The following HECW1 variants were observed in gnomAD, a reference collection of about 807,000 sequenced individuals.
HECW1 encodes the protein E3 ubiquitin-protein ligase HECW1.
In HECW1, 61 loss-of-function variants were observed where a neutral mutation model predicts 182.3. The ratio of observed to expected loss-of-function variants is 0.33; its 90% confidence interval spans 0.27 to 0.41. HECW1 has a LOEUF of 0.41. Ranked by LOEUF, HECW1 falls within the 10% of genes least tolerant of loss-of-function variation. The probability of loss-of-function intolerance (pLI) is 1.00; values close to 1 mark genes in which losing one functional copy is unlikely to be tolerated. For missense variants in HECW1, 1,739 were observed against 2,108.9 expected, an observed-to-expected ratio of 0.82 and a Z score of 3.44; for synonymous variants, 859 against 832.6, an observed-to-expected ratio of 1.03 and a Z score of -0.55.
At chr7:43,324,889 G>T (rs1406085612) in intron 5 of HECW1, among the ~76,000 whole-genome samples, 2 of 151,876 alleles carry the variant, frequency 1.3e-5, no homozygotes, top group Non-Finnish European at 2.9e-5. Context: ...TTATGAGATT[G>T]GATGTATATT....
At chr7:43,327,265 A>G (rs1438136096) in intron 5 of HECW1, among the ~76,000 whole-genome samples, 1 of 152,186 alleles carries the variant, frequency 6.6e-6, no homozygotes, top group Non-Finnish European at 1.5e-5. Context: ...GACTCCATAT[A>G]CATATCTGCA....
intron 2 of HECW1, among the ~76,000 whole-genome samples, chr7:43,217,249 A>G (rs1796527798): frequency 6.6e-6 from 1 of 152,224 alleles, no homozygotes; most frequent in Non-Finnish European, 1.5e-5. Flanking sequence ...ATTTTGCTGC[A>G]TAGGCACTTT....
chr7:43,232,183 A>G (rs80096274), intron 2 of HECW1, among the ~76,000 whole-genome samples: 3,903 of 152,300 alleles, frequency 0.026, 177 homozygotes, highest in African/African-American at 0.088. Context: ...TGATTGGGAT[A>G]GTTTGAATGG....
intron 22 of HECW1, among the ~76,000 whole-genome samples, chr7:43,507,495 A>C (rs1457142284): frequency 5.3e-5 from 8 of 152,126 alleles, no homozygotes; most frequent in Non-Finnish European, 1.2e-4. Context: ...AAAGAACAGA[A>C]GATTTTAGAC....
chr7:43,241,612 ATGTATGTGTGTG>A (rs1409697317), intron 2 of HECW1: 1,521 of 115,058 alleles, frequency 0.013, 30 homozygotes, highest in African/African-American at 0.046. Context: ...TACTCTCCTA[ATGTATGTGTGTG>A]TGTGTGTGTG....
chr7:43,420,194 T>C (rs1299878611), intron 8 of HECW1, among the ~76,000 whole-genome samples: 1 of 152,230 alleles, frequency 6.6e-6, no homozygotes, highest in Non-Finnish European at 1.5e-5. Flanking sequence ...TTAGGAATGT[T>C]AGCACAGGTC....
At chr7:43,375,034 C>G (rs2074270947) in intron 6 of HECW1, among the ~76,000 whole-genome samples, 2 of 152,026 alleles carry the variant, frequency 1.3e-5, no homozygotes, top group African/African-American at 4.8e-5. Context: ...ATTCATTGCT[C>G]TAATAAAGTT....
chr7:43,166,140 G>A (rs978900644), intron 2 of HECW1, among the ~76,000 whole-genome samples: 1 of 152,200 alleles, frequency 6.6e-6, no homozygotes. Context: ...CTGGAGTGAA[G>A]TGGTGCTATC....
chr7:43,349,126 C>G (rs1814070487), intron 5 of HECW1, among the ~76,000 whole-genome samples: 1 of 152,098 alleles, frequency 6.6e-6, no homozygotes, highest in South Asian at 2.1e-4. Context: ...CCTTTGCCTC[C>G]CAGGTTCAAG....
intron 5 of HECW1, among the ~76,000 whole-genome samples, chr7:43,340,585 G>A (rs191590840): frequency 2.0e-4 from 31 of 151,660 alleles, no homozygotes; most frequent in Non-Finnish European, 3.7e-4. Context: ...TGGGGGTGGT[G>A]ACAGTAATCA....
chr7:43,233,599 T>C (rs73690278), intron 2 of HECW1, among the ~76,000 whole-genome samples: 3,177 of 152,232 alleles, frequency 0.021, 107 homozygotes, highest in African/African-American at 0.061. Context: ...GCTTCCAAAA[T>C]GGTGCAAAAT....
At chr7:43,184,327 T>G (rs1793165230) in intron 2 of HECW1, among the ~76,000 whole-genome samples, 1 of 152,192 alleles carries the variant, frequency 6.6e-6, no homozygotes, top group Non-Finnish European at 1.5e-5. Context: ...TACATTATAT[T>G]CTCACCATGT....
At chr7:43,482,124 C>T (rs1011314505) in intron 17 of HECW1, among the ~76,000 whole-genome samples, 7 of 152,176 alleles carry the variant, frequency 4.6e-5, no homozygotes, top group African/African-American at 1.7e-4. Flanking sequence ...TATGCCCATC[C>T]TCTCTCTTCT....
chr7:43,141,253 A>G (rs1788119633), intron 2 of HECW1, among the ~76,000 whole-genome samples: 1 of 152,094 alleles, frequency 6.6e-6, no homozygotes, highest in African/African-American at 2.4e-5. Context: ...AGGAAACTCT[A>G]TTCAGTTGCC....
chr7:43,474,046 T>G (rs2078123997), intron 16 of HECW1, among the ~76,000 whole-genome samples: 1 of 151,998 alleles, frequency 6.6e-6, no homozygotes, highest in African/African-American at 2.4e-5. Context: ...ACCTAAGAGG[T>G]GATTTAGAAA....
Position 43,275,463 on chromosome 7 carries a change from A to T in HECW1, c.27+31531A>T, listed in dbSNP as rs77018286. ...TGAGGTGGTTTTTGGTTTTCTCTGA[A>T]TGCTTCTTAAAAAATTTGTTATAAA... On this transcript the variant is annotated intron_variant, in intron 3 of 29. Transcript: ENST00000395891. Among the ~76,000 whole-genome samples the T allele has an allele frequency of 1.4e-3, 219 of 152,276 alleles. 7 individuals carry two copies. The East Asian group carries it at 0.035, about 24-fold the overall frequency.
intron 2 of HECW1, among the ~76,000 whole-genome samples, chr7:43,114,889 C>A (rs1377518791): frequency 6.6e-6 from 1 of 152,210 alleles, no homozygotes; most frequent in Non-Finnish European, 1.5e-5. Context: ...TATATAGCAT[C>A]ATTTGACTTG....
chr7:43,262,949 C>T (rs1237656493), intron 3 of HECW1, among the ~76,000 whole-genome samples: 2 of 152,172 alleles, frequency 1.3e-5, no homozygotes. Context: ...TGAACAGTCA[C>T]ATCACATGTC....
rs113095761 is a variant in HECW1 at position 43,302,953 on chromosome 7, G to A, written c.28-8810G>A. On this transcript the variant is annotated intron_variant, in intron 3 of 29. Transcript: ENST00000395891. ...CCCACACACGTGCACACACACATGC[G>A]CGCACACACACACACAGGAATACCA... 1.0e-3 allele frequency among the ~76,000 whole-genome samples: 156 copies of A among 151,818 alleles called. 2 individuals are homozygous for A. In the East Asian group the frequency reaches 0.019, roughly 18 times the overall value.
Sources: allele counts gnomAD v4.1 joint callset (sites outside exome capture counted in the v4.1 genomes callset), GRCh38; gene constraint gnomAD v4.1.1; transcripts MANE v1.5; gene names NCBI Gene and HGNC (gene_info 2026-07-23, HGNC 2026-07-21).